Variants in MIA2 observed in about 807,000 individuals in gnomAD.
MIA2 encodes the protein MIA SH3 domain ER export factor 2.
A neutral mutation model predicts 167.8 loss-of-function variants in MIA2; 127 were observed. The ratio of observed to expected loss-of-function variants is 0.76; its 90% CI spans 0.66 to 0.88. MIA2 has a LOEUF of 0.88. Among genes scored for constraint, MIA2 ranks in the 40% least tolerant of loss-of-function variants. MIA2 has a pLI of 0.00. For synonymous variants in MIA2, 552 were observed against 541.9 expected (o/e 1.02, Z -0.26); for missense variants, 1,690 against 1,624.7 (o/e 1.04, Z -0.69).
chr14:39,277,720 GTATA>G (rs1179179595), intron 7 of MIA2, among the ~76,000 whole-genome samples: 31 of 1,912 alleles, frequency 0.016, 6 homozygotes, highest in Non-Finnish European at 0.026. Flanking sequence ...ATATATGTGT[GTATA>G]TATATATATA....
exon 24 of MIA2, chr14:39,387,090 C>G: frequency 1.6e-6 from 1 of 607,496 alleles, no homozygotes; most frequent in Non-Finnish European, 2.9e-6. Context: ...CTAACTGTCT[C>G]GGAGGCTGCC....
In MIA2 at chr14:39,348,771, C is replaced by A; in HGVS notation, c.3866C>A (p.Pro1289His). ...GNLNVPDSSL[P>H]AENEATGPGF... is the part of the protein sequence containing the mutation. ...TTAAATGTGCCTGATTCATCTCTCC[C>A]TGCTGAAAATGAAGCCACTGGCCCT... Residue 1289 changes from proline to histidine, a missense_variant, in exon 28 of 29, where the codon CCT becomes CAT. Transcript: ENST00000640607. 6.2e-7 allele frequency: 1 copy of A among 1,613,934 alleles called. No individual in the cohort carries two copies. Among genetic ancestry groups the A allele is most frequent in the South Asian group, 1.1e-5 (1 of 91,070 alleles).
downstream of MIA2, among the ~76,000 whole-genome samples, chr14:39,352,177 T>C (rs374109166): frequency 4.6e-5 from 7 of 151,212 alleles, no homozygotes; most frequent in East Asian, 1.2e-3. Flanking sequence ...TTAAAAAAAA[T>C]TCTCTTCAAT....
Position 39,277,021 on chromosome 14 carries a change from G to T in MIA2, c.1975G>T (p.Gly659Ter). 1 of 1,613,706 alleles carries T rather than the reference G, an allele frequency of 6.2e-7. No homozygotes were observed. Among genetic ancestry groups the T allele is most frequent in the Non-Finnish European group, 8.5e-7 (1 of 1,179,822 alleles). Reference sequence around the variant, plus strand: ...ATTGGTGATATGTGCAGCTGTTGTTGGATTTTTTGCTGTTCTCTTTTTTTT... The same window carrying T: ...ATTGGTGATATGTGCAGCTGTTGTTTGATTTTTTGCTGTTCTCTTTTTTTT... ...WELVICAAVVGFFAVLFFLWR... is the reference protein window; with the variant it reads ...WELVICAAVV The change falls in exon 7 of 29, where the codon GGA becomes TGA. Residue 659 changes from glycine (G) to a stop codon, truncating the protein, a stop_gained. Coordinates refer to ENST00000640607, the MANE Select transcript of MIA2 (RefSeq NM_001329214.4). LOFTEE classifies it high-confidence loss of function.
At chr14:39,381,809 AAAAAC>A (rs1462478909) in intron 23 of MIA2, among the ~76,000 whole-genome samples, 11 of 152,006 alleles carry the variant, frequency 7.2e-5, no homozygotes, top group Admixed American at 6.6e-4. Flanking sequence ...AAAAGACTGA[AAAAAC>A]AAAAACAAAA....
At chr14:39,265,468 T>C in intron 6 of MIA2, 2 of 1,494,110 alleles carry the variant, frequency 1.3e-6, no homozygotes, top group Non-Finnish European at 1.8e-6. Flanking sequence ...AGGTTTGGAA[T>C]TTTGCACTAA....
Position 39,247,081 on chromosome 14 carries a change from TG to T in MIA2, c.508del (p.Glu170LysfsTer12). ...QIEPGFYATY[E>X]STLFEDQVPA... ...TAGAACCTGGATTTTATGCAACTTA[TG>T]AAAGTACTTTGTTTGAAGACCAAGT... On this transcript the variant is annotated frameshift_variant, in exon 4 of 29. Coordinates refer to ENST00000640607, the MANE Select transcript of MIA2 (RefSeq NM_001329214.4). LOFTEE classifies it high-confidence loss of function. 1 of 1,607,644 alleles carries T rather than the reference TG, an allele frequency of 6.2e-7. No homozygotes were observed. The highest frequency in any genetic ancestry group is 8.5e-7 in the Non-Finnish European group (1 of 1,178,472).
chr14:39,365,414 G>T (rs1470171422), intron 23 of MIA2, among the ~76,000 whole-genome samples: 2 of 152,142 alleles, frequency 1.3e-5, no homozygotes, highest in Non-Finnish European at 2.9e-5. Context: ...GGAATACCCA[G>T]AATTCAAATA....
In MIA2 at chr14:39,350,126, TC is replaced by T; in HGVS notation, c.4103del (p.Pro1368LeufsTer27). ...MRNVYPPRGFPPYLPPRPGFF... is the reference protein window; with the variant it reads ...MRNVYPPRGFXPYLPPRPGFF... ...GAAATGTCTATCCACCGAGGGGTTT[TC>T]CTCCTTACCTTCCCCCAAGACCTGG... On this transcript the variant is annotated frameshift_variant, in exon 29 of 29. Coordinates refer to ENST00000640607, the MANE Select transcript of MIA2 (RefSeq NM_001329214.4). LOFTEE classifies it high-confidence loss of function. 1 of 1,384,896 alleles carries T rather than the reference TC, an allele frequency of 7.2e-7. No individual in the cohort carries two copies. Among genetic ancestry groups the T allele is most frequent in the Non-Finnish European group, 9.8e-7 (1 of 1,015,540 alleles). 85.8% of individuals were successfully genotyped at this position (1,384,896 alleles called of 1,614,324 possible).
chr14:39,330,697 A>T (rs1271863001), intron 25 of MIA2, among the ~76,000 whole-genome samples: 3 of 152,100 alleles, frequency 2.0e-5, no homozygotes, highest in African/African-American at 7.2e-5. Context: ...TAACTTATTT[A>T]TTTCTGCCTT....
intron 23 of MIA2, among the ~76,000 whole-genome samples, chr14:39,367,822 C>T (rs1595950159): frequency 1.1e-5 from 1 of 88,050 alleles, no homozygotes; most frequent in South Asian, 3.3e-4. Context: ...TTTTTATTGT[C>T]GTCGGTTTTT....
intron 25 of MIA2, among the ~76,000 whole-genome samples, chr14:39,342,857 A>G (rs1047296878): frequency 2.6e-5 from 4 of 152,184 alleles, no homozygotes. Flanking sequence ...TGATTAAAAA[A>G]AATTAAAGTT....
At chr14:39,314,244 G>A (rs1347210811) in intron 19 of MIA2, among the ~76,000 whole-genome samples, 1 of 151,948 alleles carries the variant, frequency 6.6e-6, no homozygotes, top group Non-Finnish European at 1.5e-5. Context: ...AAAATTAGTT[G>A]GTCGTGGTGG....
At chr14:39,235,315 C>T (rs1490169828) in intron 1 of MIA2, among the ~76,000 whole-genome samples, 1 of 151,934 alleles carries the variant, frequency 6.6e-6, no homozygotes, top group African/African-American at 2.4e-5. Flanking sequence ...AGCCACCATG[C>T]CCAGCTGTGA....
intron 2 of MIA2, among the ~76,000 whole-genome samples, chr14:39,238,811 A>AAAAAAAAAAAAAAAAAAAAAAAAAAC: frequency 1.5e-4 from 16 of 103,632 alleles, no homozygotes; most frequent in East Asian, 2.8e-4. Context: ...AAAAAAAAAA[A>AAAAAAAAAAAAAAAAAAAAAAAAAAC]CCCAAAAAAC....
intron 11 of MIA2, among the ~76,000 whole-genome samples, chr14:39,293,768 T>C (rs1052711140): frequency 8.5e-5 from 13 of 152,340 alleles, no homozygotes; most frequent in Admixed American, 3.9e-4. Context: ...AGTGGACTTA[T>C]CTTGAGCCTA....
At chr14:39,238,466 C>T (rs1416377727) in intron 2 of MIA2, among the ~76,000 whole-genome samples, 1 of 152,108 alleles carries the variant, frequency 6.6e-6, no homozygotes, top group Non-Finnish European at 1.5e-5. Flanking sequence ...AGCCACTATG[C>T]CCGGCCCTAG....
At chr14:39,288,475 A>ATTTTTTTTTTTTTTT (rs1247369150) in intron 9 of MIA2, among the ~76,000 whole-genome samples, 2 of 50,518 alleles carry the variant, frequency 4.0e-5, no homozygotes, top group Non-Finnish European at 3.0e-5. Context: ...ATATATATAT[A>ATTTTTTTTTTTTTTT]TTTTTTTTTT....
intron 9 of MIA2, among the ~76,000 whole-genome samples, chr14:39,285,171 C>T (rs2059441991): frequency 6.6e-6 from 1 of 152,178 alleles, no homozygotes; most frequent in Non-Finnish European, 1.5e-5. Flanking sequence ...TACACAGCAA[C>T]AATCTGATTT....
Sources: allele counts gnomAD v4.1 joint callset (sites outside exome capture counted in the v4.1 genomes callset), GRCh38; gene constraint gnomAD v4.1.1; transcripts MANE v1.5; gene names NCBI Gene and HGNC (gene_info 2026-07-23, HGNC 2026-07-21).